Variants in CDK14 observed in about 807,000 individuals in gnomAD.
CDK14 encodes the protein cyclin dependent kinase 14, also known as cyclin-dependent kinase 14.
Under a neutral mutation model 60.7 loss-of-function variants are expected in CDK14, and 34 were observed. The observed-to-expected ratio is 0.56, with a 90% confidence interval of 0.43 to 0.75. The LOEUF (loss-of-function observed/expected upper bound fraction) is 0.75, where lower values mean the gene tolerates loss of function less well. Among genes scored for constraint, CDK14 ranks in the 30% least tolerant of loss-of-function variants. The pLI is 0.00. For missense variants in CDK14, 482 were observed against 564.1 expected, an observed-to-expected ratio of 0.85 and a Z score of 1.47; for synonymous variants, 197 against 203.7, an observed-to-expected ratio of 0.97 and a Z score of 0.28.
intron 5 of CDK14, among the ~76,000 whole-genome samples, chr7:90,812,794 C>A (rs1342150662): frequency 6.6e-6 from 1 of 152,074 alleles, no homozygotes; most frequent in Non-Finnish European, 1.5e-5. Context: ...AATAATGGAA[C>A]CCTTAAACAT....
intron 2 of CDK14, among the ~76,000 whole-genome samples, chr7:90,624,889 T>G (rs1227261631): frequency 6.6e-6 from 1 of 152,156 alleles, no homozygotes; most frequent in Non-Finnish European, 1.5e-5. Context: ...GTCAGTCATA[T>G]CCAGGCTCCA....
intron 11 of CDK14, among the ~76,000 whole-genome samples, chr7:91,051,634 A>T (rs1031163748): frequency 2.0e-5 from 3 of 152,188 alleles, no homozygotes. Context: ...TTGGTGTGAG[A>T]TTCATCACAG....
intron 2 of CDK14, among the ~76,000 whole-genome samples, chr7:90,647,639 T>A (rs1446760393): frequency 6.6e-6 from 1 of 152,126 alleles, no homozygotes; most frequent in African/African-American, 2.4e-5. Flanking sequence ...TTTCAAGATA[T>A]GTTAAAAGAG....
intron 5 of CDK14, among the ~76,000 whole-genome samples, chr7:90,859,083 A>C (rs186183528): frequency 1.3e-5 from 2 of 152,320 alleles, no homozygotes; most frequent in Admixed American, 6.5e-5. Context: ...CTCCTGGCAG[A>C]TATGTGTAGG....
At chr7:90,778,172 C>T (rs1805130215) in intron 4 of CDK14, among the ~76,000 whole-genome samples, 1 of 152,186 alleles carries the variant, frequency 6.6e-6, no homozygotes, top group African/African-American at 2.4e-5. Context: ...TGGATGTTCC[C>T]AGACTAAGAT....
intron 5 of CDK14, among the ~76,000 whole-genome samples, chr7:90,855,636 A>C (rs1043505428): frequency 6.6e-6 from 1 of 152,206 alleles, no homozygotes; most frequent in Non-Finnish European, 1.5e-5. Context: ...TTGAATATTA[A>C]TGTTGGTAAA....
intron 5 of CDK14, among the ~76,000 whole-genome samples, chr7:90,809,556 A>G (rs1474559934): frequency 6.6e-6 from 1 of 152,220 alleles, no homozygotes; most frequent in Non-Finnish European, 1.5e-5. Flanking sequence ...ATCACAAATT[A>G]AAAGAACTAG....
At chr7:91,106,237 A>T (rs1019273701) in intron 12 of CDK14, among the ~76,000 whole-genome samples, 1 of 152,196 alleles carries the variant, frequency 6.6e-6, no homozygotes, top group Non-Finnish European at 1.5e-5. Context: ...AGAGGAAGAG[A>T]AGAGCACAAA....
chr7:90,785,587 G>A (rs200047886), intron 4 of CDK14, among the ~76,000 whole-genome samples: 14 of 151,816 alleles, frequency 9.2e-5, no homozygotes, highest in East Asian at 1.9e-4. Context: ...AGATGGAGAC[G>A]ATCCTGGCTA....
At chr7:90,658,525 G>A (rs567565733) in intron 2 of CDK14, among the ~76,000 whole-genome samples, 14 of 152,324 alleles carry the variant, frequency 9.2e-5, no homozygotes, top group African/African-American at 3.4e-4. Context: ...ATTTTGGAGC[G>A]AGGAGCATAA....
In CDK14 at chr7:90,600,238, A is replaced by T. The variant is rs540668852; in HGVS notation, c.91+3520A>T. ...CTACAGTTGTCTCACACTTTTTTTT[A>T]AAATTTAGGCTAACAAAGACAAATG... On this transcript the variant is annotated intron_variant, in intron 1 of 14. Coordinates refer to ENST00000380050, the MANE Select transcript of CDK14 (RefSeq NM_001287135.2). 2.8e-3 allele frequency among the ~76,000 whole-genome samples: 429 copies of T among 152,296 alleles called. 3 individuals are homozygous for T. The highest frequency in any genetic ancestry group is 0.014 in the Middle Eastern group (4 of 292).
At chr7:91,199,814 G>C (rs993096933) in intron 14 of CDK14, among the ~76,000 whole-genome samples, 6 of 152,164 alleles carry the variant, frequency 3.9e-5, no homozygotes, top group African/African-American at 1.4e-4. Flanking sequence ...CAACTTAAAG[G>C]ATTTGGGCTA....
At chr7:90,963,218 G>A (rs1039001455) in intron 9 of CDK14, among the ~76,000 whole-genome samples, 15 of 151,674 alleles carry the variant, frequency 9.9e-5, no homozygotes, top group East Asian at 5.9e-4. Context: ...GAGGCTAGGC[G>A]TTTGAGACCA....
chr7:91,173,476 C>T (rs2115817294), intron 14 of CDK14, among the ~76,000 whole-genome samples: 1 of 151,938 alleles, frequency 6.6e-6, no homozygotes, highest in East Asian at 1.9e-4. Flanking sequence ...ATAGGAACAG[C>T]TCCGGTCTAT....
chr7:91,096,065 C>CAAAAAAAAAAAAAAAA, intron 12 of CDK14, among the ~76,000 whole-genome samples: 1 of 64,556 alleles, frequency 1.5e-5, no homozygotes, highest in Non-Finnish European at 2.7e-5. Context: ...CACAATTTGC[C>CAAAAAAAAAAAAAAAA]AAAAAAAAAA....
At chr7:90,859,110 C>T (rs1790922207) in intron 5 of CDK14, among the ~76,000 whole-genome samples, 1 of 152,202 alleles carries the variant, frequency 6.6e-6, no homozygotes. Context: ...GAGAAGTCCT[C>T]TCTACCATAG....
chr7:90,630,184 C>A (rs1279765521), intron 2 of CDK14, among the ~76,000 whole-genome samples: 1 of 152,150 alleles, frequency 6.6e-6, no homozygotes, highest in South Asian at 2.1e-4. Context: ...AATACACATA[C>A]AGTCATGCAT....
chr7:90,650,812 T>G (rs1800619246), intron 2 of CDK14, among the ~76,000 whole-genome samples: 1 of 152,192 alleles, frequency 6.6e-6, no homozygotes, highest in Admixed American at 6.5e-5. Context: ...GTTCCATTAG[T>G]CTATATATCT....
intron 5 of CDK14, among the ~76,000 whole-genome samples, chr7:90,846,419 T>G (rs1375595440): frequency 6.6e-6 from 1 of 152,224 alleles, no homozygotes; most frequent in Non-Finnish European, 1.5e-5. Context: ...TTTAAGATCC[T>G]TCTTTGAACT....
Sources: allele counts gnomAD v4.1 joint callset (sites outside exome capture counted in the v4.1 genomes callset), GRCh38; gene constraint gnomAD v4.1.1; transcripts MANE v1.5; gene names NCBI Gene and HGNC (gene_info 2026-07-23, HGNC 2026-07-21).